PTPRT: variants seen among roughly 807,000 people sequenced by gnomAD.
The protein encoded by PTPRT is receptor-type tyrosine-protein phosphatase T.
A neutral mutation model predicts 176.8 loss-of-function variants in PTPRT; 56 were observed. The observed-to-expected ratio is 0.32, with a 90% CI of 0.26 to 0.40. The LOEUF (loss-of-function observed/expected upper bound fraction) is 0.40, where lower values mean the gene tolerates loss of function less well. Among genes scored for constraint, PTPRT ranks in the 10% least tolerant of loss-of-function variants. The probability of loss-of-function intolerance (pLI) is 1.00; values close to 1 mark genes in which losing one functional copy is unlikely to be tolerated. For synonymous variants in PTPRT, 783 were observed against 739.0 expected, an observed-to-expected ratio of 1.06 and a Z score of -0.96; for missense variants, 1,540 against 1,908.2, an observed-to-expected ratio of 0.81 and a Z score of 3.60.
chr20:42,796,844 C>T (rs1307658613), intron 2 of PTPRT, among the ~76,000 whole-genome samples: 3 of 152,100 alleles, frequency 2.0e-5, no homozygotes, highest in Admixed American at 6.5e-5. Flanking sequence ...AAACTGGAAC[C>T]CAAGATACAT....
At chr20:42,612,306 C>T (rs755100852) in intron 7 of PTPRT, among the ~76,000 whole-genome samples, 3 of 152,216 alleles carry the variant, frequency 2.0e-5, no homozygotes, top group Non-Finnish European at 2.9e-5. Context: ...TTTTGCACAA[C>T]TGTCAGCAAG....
chr20:42,213,254 A>G (rs2055689073), intron 15 of PTPRT, among the ~76,000 whole-genome samples: 1 of 152,196 alleles, frequency 6.6e-6, no homozygotes, highest in Admixed American at 6.5e-5. Context: ...AGGTGGGCCC[A>G]CTCTTCAGCA....
At chr20:42,567,576 C>T (rs1248444684) in intron 7 of PTPRT, among the ~76,000 whole-genome samples, 1 of 152,190 alleles carries the variant, frequency 6.6e-6, no homozygotes. Context: ...TGAAGTCTTC[C>T]TTGAGTCAGA....
intron 1 of PTPRT, among the ~76,000 whole-genome samples, chr20:43,046,494 G>A (rs1331643403): frequency 9.2e-5 from 14 of 151,992 alleles, no homozygotes; most frequent in South Asian, 4.2e-4. Context: ...GCGTGAACCC[G>A]GGAGGCGGAG....
chr20:42,908,352 T>G (rs1369416282), intron 1 of PTPRT, among the ~76,000 whole-genome samples: 1 of 152,166 alleles, frequency 6.6e-6, no homozygotes, highest in Non-Finnish European at 1.5e-5. Flanking sequence ...AGGAAAATAG[T>G]ACAAACTTAG....
chr20:42,350,225 T>TTTTGTTG (rs1555830534), intron 11 of PTPRT, among the ~76,000 whole-genome samples: 1 of 66,224 alleles, frequency 1.5e-5, no homozygotes, highest in Non-Finnish European at 2.8e-5. Flanking sequence ...TTTTTTTTTT[T>TTTTGTTG]TTTTTTTTTT....
intron 1 of PTPRT, among the ~76,000 whole-genome samples, chr20:43,012,093 C>T (rs1985157881): frequency 6.6e-6 from 1 of 152,188 alleles, no homozygotes; most frequent in Non-Finnish European, 1.5e-5. Flanking sequence ...TGCTCCTCAG[C>T]TTGCAGATGG....
intron 6 of PTPRT, among the ~76,000 whole-genome samples, chr20:42,701,057 A>C (rs1318769967): frequency 6.7e-6 from 1 of 149,480 alleles, no homozygotes; most frequent in Non-Finnish European, 1.5e-5. Flanking sequence ...TGTGTCTGCA[A>C]CAAGAATTCC....
intron 1 of PTPRT, among the ~76,000 whole-genome samples, chr20:43,131,944 T>G (rs1291273224): frequency 6.6e-6 from 1 of 152,068 alleles, no homozygotes; most frequent in East Asian, 1.9e-4. Context: ...CATCTATGCC[T>G]GAGCTAATAA....
chr20:42,807,410 G>T (rs1221185116), intron 2 of PTPRT, among the ~76,000 whole-genome samples: 3 of 152,144 alleles, frequency 2.0e-5, no homozygotes, highest in Admixed American at 1.3e-4. Context: ...ACTGCAAGAG[G>T]TTGGGATTCC....
At chr20:42,659,527 G>C (rs2075185507) in intron 7 of PTPRT, among the ~76,000 whole-genome samples, 2 of 152,214 alleles carry the variant, frequency 1.3e-5, no homozygotes, top group Non-Finnish European at 2.9e-5. Context: ...CAGGGAGTTA[G>C]AGTCTAATCT....
intron 7 of PTPRT, among the ~76,000 whole-genome samples, chr20:42,579,270 G>C (rs2145718395): frequency 1.3e-5 from 2 of 152,106 alleles, no homozygotes; most frequent in East Asian, 3.9e-4. Flanking sequence ...AGTATTCCAT[G>C]GTGTATATGG....
At chr20:43,178,157 C>G (rs905095281) in intron 1 of PTPRT, among the ~76,000 whole-genome samples, 1 of 152,180 alleles carries the variant, frequency 6.6e-6, no homozygotes, top group Admixed American at 6.5e-5. Flanking sequence ...TCCACTGCTC[C>G]TTAGTAAACC....
At chr20:42,640,841 C>T (rs899543551) in intron 7 of PTPRT, among the ~76,000 whole-genome samples, 13 of 152,148 alleles carry the variant, frequency 8.5e-5, no homozygotes, top group Admixed American at 5.9e-4. Flanking sequence ...ACCACCCTTA[C>T]TCCATCTGGG....
intron 9 of PTPRT, among the ~76,000 whole-genome samples, chr20:42,418,050 TC>T (rs1456437268): frequency 6.6e-6 from 1 of 152,142 alleles, no homozygotes; most frequent in African/African-American, 2.4e-5. Flanking sequence ...TTGTATCCCC[TC>T]ATTACGCAAA....
chr20:42,535,128 C>T (rs193264752), intron 7 of PTPRT, among the ~76,000 whole-genome samples: 9 of 152,116 alleles, frequency 5.9e-5, no homozygotes, highest in African/African-American at 1.9e-4. Context: ...AAGTACTCAA[C>T]AAAAATATGC....
intron 6 of PTPRT, chr20:42,688,068 C>T (rs2075728710): frequency 6.6e-6 from 1 of 152,184 alleles, no homozygotes; most frequent in Non-Finnish European, 1.5e-5. Context: ...AATTCTGGAG[C>T]TGGGACCCCA....
chr20:42,988,789 G>GGGTAA (rs1248617834), intron 1 of PTPRT, among the ~76,000 whole-genome samples: 1 of 152,164 alleles, frequency 6.6e-6, no homozygotes, highest in Non-Finnish European at 1.5e-5. Context: ...GAGTCAACCG[G>GGGTAA]AGGGACATGC....
chr20:42,620,209 G>A (rs916348296), intron 7 of PTPRT, among the ~76,000 whole-genome samples: 7 of 149,492 alleles, frequency 4.7e-5, no homozygotes, highest in African/African-American at 1.8e-4. Flanking sequence ...CTTGTGAGGT[G>A]TCAGTGTGCC....
Sources: gnomAD v4.1 joint callset for allele counts (sites outside exome capture counted in the v4.1 genomes callset) on GRCh38, gnomAD v4.1.1 for gene constraint, MANE v1.5 for transcripts, NCBI Gene and HGNC (gene_info 2026-07-23, HGNC 2026-07-21) for gene names.